Variants in DEAF1 observed in about 807,000 individuals in gnomAD.
The protein encoded by DEAF1 is deformed epidermal autoregulatory factor 1 homolog.
A neutral mutation model predicts 58.9 loss-of-function variants in DEAF1; 53 were observed. The observed-to-expected ratio is 0.90, with a 90% confidence interval of 0.72 to 1.13. The LOEUF (loss-of-function observed/expected upper bound fraction) is 1.13, where lower values mean the gene tolerates loss of function less well. DEAF1 is among the 50% of genes most tolerant of loss of function. DEAF1 has a pLI of 0.00. For missense variants in DEAF1, 685 were observed against 791.4 expected (o/e 0.87, Z 1.61); for synonymous variants, 385 against 340.4 (o/e 1.13, Z -1.44).
chr11:698,932 A>C (rs980596394), upstream of DEAF1: 3 of 1,612,992 alleles, frequency 1.9e-6, no homozygotes, highest in Non-Finnish European at 2.5e-6. Context: ...CAGAGGCCCG[A>C]ATTGCTGCTG....
chr11:699,333 G>A (rs1415858867), upstream of DEAF1: 2 of 199,770 alleles, frequency 1.0e-5, no homozygotes, highest in Non-Finnish European at 2.1e-5. Flanking sequence ...TCAGGCGGGA[G>A]CCACTGTGCC....
chr11:700,942 G>T (rs1343729830), intron 1 of DEAF1: 10 of 575,926 alleles, frequency 1.7e-5, no homozygotes, highest in Admixed American at 2.9e-5. Context: ...GTGTTTGGAA[G>T]CATGTCTTGT....
At chr11:663,492 T>C (rs896356725) in intron 10 of DEAF1, among the ~76,000 whole-genome samples, 1 of 152,138 alleles carries the variant, frequency 6.6e-6, no homozygotes, top group African/African-American at 2.4e-5. Context: ...GCTTTTGGCC[T>C]TTCCTCCTCC....
intron 11 of DEAF1, among the ~76,000 whole-genome samples, chr11:647,231 A>C (rs1292071943): frequency 1.3e-5 from 2 of 152,146 alleles, no homozygotes; most frequent in African/African-American, 4.8e-5. Context: ...CAAGGCAGGC[A>C]GATCATGAGG....
intron 1 of DEAF1, chr11:704,925 G>A (rs1861650885): frequency 2.9e-6 from 1 of 348,746 alleles, no homozygotes; most frequent in South Asian, 2.2e-5. Context: ...GGTGCACCGA[G>A]GGGTTGGCGT....
At chr11:670,777 G>GTTT (rs1250514235) in intron 10 of DEAF1, among the ~76,000 whole-genome samples, 3 of 18,970 alleles carry the variant, frequency 1.6e-4, no homozygotes, top group Non-Finnish European at 3.4e-4. Flanking sequence ...TTTTGTTTTT[G>GTTT]TTTTTTTTTT....
At chr11:665,127 G>C (rs1859461425) in intron 10 of DEAF1, among the ~76,000 whole-genome samples, 1 of 137,888 alleles carries the variant, frequency 7.3e-6, no homozygotes, top group Non-Finnish European at 1.6e-5. Context: ...AGGACAGGGT[G>C]TCACACTCGG....
chr11:655,828 TTTATTA>T (rs150500228), intron 10 of DEAF1, among the ~76,000 whole-genome samples: 59,921 of 151,484 alleles, frequency 0.4, 12,998 homozygotes, highest in East Asian at 0.57. Context: ...ACTTTATTTA[TTTATTA>T]TTATTATTAT....
intron 10 of DEAF1, among the ~76,000 whole-genome samples, chr11:660,226 G>A (rs1161348629): frequency 6.6e-6 from 1 of 152,252 alleles, no homozygotes; most frequent in Non-Finnish European, 1.5e-5. Flanking sequence ...AGCCGCACAC[G>A]TAAAGAGATC....
At chr11:698,200 G>C (rs1167925037), upstream of DEAF1, among the ~76,000 whole-genome samples, 1 of 152,162 alleles carries the variant, frequency 6.6e-6, no homozygotes, top group Admixed American at 6.5e-5. Flanking sequence ...CTCCAGGTCA[G>C]CGTGGATCCA....
intron 11 of DEAF1, among the ~76,000 whole-genome samples, chr11:649,329 G>C (rs928825448): frequency 3.3e-5 from 5 of 152,076 alleles, no homozygotes; most frequent in Non-Finnish European, 5.9e-5. Context: ...GGCTGAAGGA[G>C]GAGTATTGCT....
chr11:695,113 C>T lies in DEAF1; in HGVS notation c.-66G>A. ...CGCCCGAAGCGCCGGTCGCGGAGCC[C>T]GAAGCGGGGCCCGAAGAGGACGCCC... On this transcript the variant is annotated 5_prime_UTR_variant, in exon 1 of 12. Transcript: ENST00000382409. The T allele has an allele frequency of 7.3e-7, 1 of 1,362,116 alleles. No individual in the cohort carries two copies. Among genetic ancestry groups the T allele is most frequent in the Admixed American group, 3.3e-5 (1 of 30,142 alleles). The allele number at this position is 1,362,116 out of a possible 1,614,324, so 84.4% of individuals were successfully genotyped here.
intron 9 of DEAF1, among the ~76,000 whole-genome samples, chr11:675,832 A>G (rs1347488789): frequency 6.6e-6 from 1 of 151,938 alleles, no homozygotes; most frequent in Non-Finnish European, 1.5e-5. Context: ...AAAAGAAAAG[A>G]AAAGAAAACT....
intron 10 of DEAF1, among the ~76,000 whole-genome samples, chr11:657,086 G>A (rs1163642463): frequency 6.6e-6 from 1 of 152,070 alleles, no homozygotes; most frequent in East Asian, 1.9e-4. Context: ...GCCTCCACGT[G>A]ACAACATCCC....
chr11:654,886 CAG>C (rs1858970973), intron 10 of DEAF1, among the ~76,000 whole-genome samples: 1 of 150,164 alleles, frequency 6.7e-6, no homozygotes, highest in Admixed American at 6.6e-5. Flanking sequence ...AAAGGGAAAT[CAG>C]GGCCGGATGC....
At chr11:669,125 CTTTTTT>C (rs36167071) in intron 10 of DEAF1, among the ~76,000 whole-genome samples, 12 of 107,798 alleles carry the variant, frequency 1.1e-4, no homozygotes, top group South Asian at 3.0e-4. Context: ...GCACCCGACC[CTTTTTT>C]TTTTTTTTTT....
At chr11:700,350 A>C (rs1474338235) in intron 1 of DEAF1, 3 of 976,602 alleles carry the variant, frequency 3.1e-6, no homozygotes, top group Admixed American at 2.1e-5. Flanking sequence ...AACATGGGGA[A>C]ACCCCATCTC....
In DEAF1 at chr11:680,913, A is replaced by G. The variant is rs374144214; in HGVS notation, c.997+50T>C. 2 of 1,613,142 alleles carry G rather than the reference A, an allele frequency of 1.2e-6. 1 individual carries two copies. The highest frequency in any genetic ancestry group is 3.4e-4 in the Middle Eastern group (2 of 5,952). ...GTGGGAGTGGTGACGAGAGAAGGCA[A>G]TGCACTCAGGTCCCCTCAGTAAACT... On this transcript the variant is annotated intron_variant, in intron 7 of 11. Transcript: ENST00000382409.
intron 11 of DEAF1, among the ~76,000 whole-genome samples, chr11:652,118 T>C (rs1283797629): frequency 6.6e-6 from 1 of 152,152 alleles, no homozygotes; most frequent in African/African-American, 2.4e-5. Context: ...TCTCAATAAA[T>C]TTAAAGGTAC....
Sources: gnomAD v4.1 joint callset for allele counts (sites outside exome capture counted in the v4.1 genomes callset) on GRCh38, gnomAD v4.1.1 for gene constraint, MANE v1.5 for transcripts, NCBI Gene and HGNC (gene_info 2026-07-23, HGNC 2026-07-21) for gene names.